AGBL4: variants seen among roughly 807,000 people sequenced by gnomAD.
AGBL4 encodes AGBL carboxypeptidase 4.
Under a neutral mutation model 66.4 loss-of-function variants are expected in AGBL4, and 58 were observed. That is an observed-to-expected ratio of 0.87 (90% CI 0.71 to 1.09). The LOEUF (loss-of-function observed/expected upper bound fraction) is 1.09, where lower values mean the gene tolerates loss of function less well. Ranked by LOEUF, AGBL4 falls within the 50% of genes least tolerant of loss-of-function variation. AGBL4 has a pLI of 0.00. For synonymous variants in AGBL4, 234 were observed against 222.9 expected (o/e 1.05, Z -0.44); for missense variants, 579 against 631.0 (o/e 0.92, Z 0.88).
rs184671660 is a variant in AGBL4, at chr1:48,847,563, G to T, written c.634+19628C>A. Reference sequence around the variant, plus strand: ...TTTACAATTATAAGATGGCAACTAGGATTTAGACAATAAAACGTATAGTAC... The same window carrying T: ...TTTACAATTATAAGATGGCAACTAGTATTTAGACAATAAAACGTATAGTAC... On this transcript the variant is annotated intron_variant, in intron 6 of 13. Coordinates refer to ENST00000371839, the MANE Select transcript of AGBL4 (RefSeq NM_032785.4). 3.1e-3 allele frequency among the ~76,000 whole-genome samples: 474 copies of T among 152,236 alleles called. 3 individuals carry two copies. Among genetic ancestry groups the T allele is most frequent in the African/African-American group, 0.01 (422 of 41,516 alleles).
chr1:48,768,112 C>T (rs1395977486), intron 6 of AGBL4, among the ~76,000 whole-genome samples: 1 of 152,170 alleles, frequency 6.6e-6, no homozygotes, highest in African/African-American at 2.4e-5. Flanking sequence ...CCTAATTATC[C>T]TACAGCAACA....
intron 2 of AGBL4, among the ~76,000 whole-genome samples, chr1:49,735,088 A>C (rs1386964823): frequency 6.6e-6 from 1 of 152,134 alleles, no homozygotes; most frequent in Non-Finnish European, 1.5e-5. Flanking sequence ...AATTATTATT[A>C]TACCCATATT....
At chr1:49,485,378 G>A in intron 3 of AGBL4, among the ~76,000 whole-genome samples, 1 of 145,496 alleles carries the variant, frequency 6.9e-6, no homozygotes. Flanking sequence ...AACACCGCAT[G>A]TTCTCACTCA....
intron 3 of AGBL4, among the ~76,000 whole-genome samples, chr1:49,368,542 C>T (rs906041563): frequency 7.2e-5 from 11 of 152,012 alleles, no homozygotes; most frequent in South Asian, 2.1e-4. Context: ...TCAAAACCCA[C>T]GTCTCTGTGG....
intron 6 of AGBL4, among the ~76,000 whole-genome samples, chr1:48,801,902 C>T (rs1645818044): frequency 1.9e-5 from 2 of 104,666 alleles, no homozygotes; most frequent in Admixed American, 1.3e-4. Flanking sequence ...GCCTTGCCTC[C>T]ATAATAACTT....
chr1:49,841,765 A>C (rs1328879810), intron 2 of AGBL4: 1 of 311,264 alleles, frequency 3.2e-6, no homozygotes, highest in African/African-American at 2.2e-5. Context: ...AGCAGAGCAT[A>C]AAAGTTCAGA....
At position 49,045,593 on chromosome 1, in the gene AGBL4, G is replaced by A; in HGVS notation, c.585C>T (p.Gly195=). The A allele has an allele frequency of 6.2e-7, 1 of 1,604,460 alleles. No homozygotes were observed. Among genetic ancestry groups the A allele is most frequent in the South Asian group, 1.1e-5 (1 of 88,882 alleles). Residue 195 remains glycine (G), a synonymous_variant, in exon 5 of 14, where the codon GGC becomes GGT. Coordinates refer to ENST00000371839, the MANE Select transcript of AGBL4 (RefSeq NM_032785.4). Reference sequence around the variant, plus strand: ...CTGGCACAGGCCTTACCACACTCTGGCCCAGCTGCTCCCGAAAGAAGTAAT... The same window carrying A: ...CTGGCACAGGCCTTACCACACTCTGACCCAGCTGCTCCCGAAAGAAGTAAT... The part of the protein sequence containing the change: ...NMDYFFREQL[G]QSVQQRKLDL...
At chr1:49,765,082 G>A (rs1285331015) in intron 2 of AGBL4, among the ~76,000 whole-genome samples, 1 of 152,132 alleles carries the variant, frequency 6.6e-6, no homozygotes, top group African/African-American at 2.4e-5. Flanking sequence ...CACCATCAGG[G>A]TATTTGTGGG....
At chr1:48,712,691 G>A (rs758212295) in intron 6 of AGBL4, among the ~76,000 whole-genome samples, 3 of 152,158 alleles carry the variant, frequency 2.0e-5, no homozygotes, top group African/African-American at 4.8e-5. Flanking sequence ...TAGAGGAGGC[G>A]TGTGAGATGG....
chr1:49,251,548 G>A (rs753480131), intron 3 of AGBL4, among the ~76,000 whole-genome samples: 4 of 152,082 alleles, frequency 2.6e-5, no homozygotes, highest in Non-Finnish European at 4.4e-5. Context: ...AGCCAGAACC[G>A]CATCCCTGAG....
chr1:49,283,024 T>C (rs1362893166), intron 3 of AGBL4, among the ~76,000 whole-genome samples: 1 of 152,158 alleles, frequency 6.6e-6, no homozygotes, highest in Non-Finnish European at 1.5e-5. Flanking sequence ...CCACCACAGC[T>C]CAAGAAGGCC....
intron 4 of AGBL4, among the ~76,000 whole-genome samples, chr1:49,147,939 C>T (rs1445164303): frequency 6.6e-6 from 1 of 152,014 alleles, no homozygotes; most frequent in East Asian, 1.9e-4. Context: ...TGTCTGTGTC[C>T]AAAGCAGGGA....
intron 6 of AGBL4, among the ~76,000 whole-genome samples, chr1:48,826,829 T>A (rs1282298704): frequency 6.6e-6 from 1 of 152,162 alleles, no homozygotes; most frequent in Non-Finnish European, 1.5e-5. Context: ...CCTTCAAGGA[T>A]CTGGCTCCAA....
At chr1:48,739,878 A>G (rs986142079) in intron 6 of AGBL4, among the ~76,000 whole-genome samples, 2 of 152,224 alleles carry the variant, frequency 1.3e-5, no homozygotes, top group Non-Finnish European at 2.9e-5. Flanking sequence ...CTCCTTAATT[A>G]CTGCAGAGCT....
At chr1:48,549,125 G>T (rs1644211565) in intron 11 of AGBL4, among the ~76,000 whole-genome samples, 1 of 152,122 alleles carries the variant, frequency 6.6e-6, no homozygotes, top group Non-Finnish European at 1.5e-5. Flanking sequence ...AGCAACAGAT[G>T]ATCACCATTA....
At chr1:49,019,084 A>C (rs1435544775) in intron 5 of AGBL4, among the ~76,000 whole-genome samples, 1 of 152,194 alleles carries the variant, frequency 6.6e-6, no homozygotes, top group Non-Finnish European at 1.5e-5. Context: ...GAGAATAGGA[A>C]GTATGAGCTA....
At chr1:49,865,462 C>T (rs959217222) in intron 1 of AGBL4, among the ~76,000 whole-genome samples, 4 of 152,084 alleles carry the variant, frequency 2.6e-5, no homozygotes, top group African/African-American at 9.7e-5. Flanking sequence ...GGGACCCAGG[C>T]AAATAGAGTC....
At chr1:48,653,878 CA>C (rs1452936104) in intron 7 of AGBL4, among the ~76,000 whole-genome samples, 1 of 152,168 alleles carries the variant, frequency 6.6e-6, no homozygotes, top group Non-Finnish European at 1.5e-5. Context: ...GTGATAATCA[CA>C]GGGTCAAGGC....
intron 3 of AGBL4, among the ~76,000 whole-genome samples, chr1:49,291,064 G>C (rs1012889538): frequency 6.6e-6 from 1 of 152,128 alleles, no homozygotes; most frequent in African/African-American, 2.4e-5. Context: ...TTTATCTGCA[G>C]GTTCTGCAGA....
Sources: allele counts gnomAD v4.1 joint callset (sites outside exome capture counted in the v4.1 genomes callset), GRCh38; gene constraint gnomAD v4.1.1; transcripts MANE v1.5; gene names NCBI Gene and HGNC (gene_info 2026-07-23, HGNC 2026-07-21).